PTPRK: variants seen among roughly 807,000 people sequenced by gnomAD.
PTPRK encodes the protein receptor-type tyrosine-protein phosphatase kappa.
Under a neutral mutation model 178.0 loss-of-function variants are expected in PTPRK, and 75 were observed. That is an observed-to-expected ratio of 0.42 (90% CI 0.35 to 0.51). PTPRK has a LOEUF of 0.51. Ranked by LOEUF, PTPRK falls within the 20% of genes least tolerant of loss-of-function variation. PTPRK has a pLI of 0.02. For missense variants in PTPRK, 1,441 were observed against 1,797.8 expected (o/e 0.80, Z 3.59); for synonymous variants, 637 against 620.6 (o/e 1.03, Z -0.39).
chr6:128,476,092 G>C (rs935919112), intron 1 of PTPRK, among the ~76,000 whole-genome samples: 1 of 151,940 alleles, frequency 6.6e-6, no homozygotes, highest in Admixed American at 6.6e-5. Context: ...CTCCAAAGAG[G>C]ACATTCACAG....
In PTPRK at chr6:128,279,109, T is replaced by C. The variant is rs564857172; in HGVS notation, c.496-36507A>G. ...CTGAGATACAGCCTAAGCACTTATG[T>C]AGAGGCTCAGACTGTGAGCCATTAG... On this transcript the variant is annotated intron_variant, in intron 3 of 29. Transcript: ENST00000368226. Among the ~76,000 whole-genome samples the C allele has an allele frequency of 1.3e-4, 19 of 151,884 alleles. 1 individual carries two copies. In the South Asian group the frequency reaches 1.5e-3, roughly 12 times the overall value.
chr6:127,995,034 G>A (rs924512402), intron 18 of PTPRK, among the ~76,000 whole-genome samples: 3 of 151,858 alleles, frequency 2.0e-5, no homozygotes, highest in Non-Finnish European at 2.9e-5. Context: ...AGCTAAAAAT[G>A]GTCCTGTTTT....
At chr6:128,010,243 A>G (rs1358406616) in intron 13 of PTPRK, among the ~76,000 whole-genome samples, 1 of 151,292 alleles carries the variant, frequency 6.6e-6, no homozygotes, top group African/African-American at 2.4e-5. Context: ...ACTGCTAAAA[A>G]TTGGTGTAAC....
At chr6:128,380,449 A>G (rs1837722030) in intron 2 of PTPRK, among the ~76,000 whole-genome samples, 1 of 151,852 alleles carries the variant, frequency 6.6e-6, no homozygotes, top group Non-Finnish European at 1.5e-5. Context: ...GTTGTACTCT[A>G]TAGAATTCTG....
intron 2 of PTPRK, among the ~76,000 whole-genome samples, chr6:128,347,781 A>T (rs1832610526): frequency 1.3e-5 from 2 of 152,148 alleles, no homozygotes; most frequent in Non-Finnish European, 2.9e-5. Context: ...TCAGGAAATA[A>T]ACTTTTTAAG....
intron 7 of PTPRK, among the ~76,000 whole-genome samples, chr6:128,137,015 C>T (rs1195067726): frequency 6.6e-6 from 1 of 152,192 alleles, no homozygotes; most frequent in African/African-American, 2.4e-5. Context: ...GCATAAACCA[C>T]TACCCTAGCC....
chr6:128,429,109 A>G (rs571316880), intron 1 of PTPRK, among the ~76,000 whole-genome samples: 30 of 152,212 alleles, frequency 2.0e-4, no homozygotes, highest in Non-Finnish European at 4.4e-4. Context: ...AAGGCCTTAA[A>G]TCCAAGTGAT....
At chr6:128,508,566 C>A (rs1856702799) in intron 1 of PTPRK, among the ~76,000 whole-genome samples, 1 of 152,120 alleles carries the variant, frequency 6.6e-6, no homozygotes, top group Non-Finnish European at 1.5e-5. Context: ...GGAGGAAATA[C>A]AAATACAGTA....
chr6:128,038,273 ACTG>A, intron 13 of PTPRK, among the ~76,000 whole-genome samples: 1 of 152,126 alleles, frequency 6.6e-6, no homozygotes, highest in East Asian at 1.9e-4. Context: ...CATTTGTCTT[ACTG>A]TCATTCTTCA....
chr6:128,463,596 T>C (rs541450401), intron 1 of PTPRK, among the ~76,000 whole-genome samples: 1 of 152,212 alleles, frequency 6.6e-6, no homozygotes, highest in South Asian at 2.1e-4. Flanking sequence ...TAAAACAAGT[T>C]TATACTTTAA....
Position 128,089,469 on chromosome 6 carries a change from G to A in PTPRK, c.1465+221C>T, listed in dbSNP as rs1786543954. Among the ~76,000 whole-genome samples the A allele has an allele frequency of 2.0e-5, 3 of 152,180 alleles. No homozygotes were observed. In the South Asian group the frequency reaches 6.2e-4, roughly 31 times the overall value. On this transcript the variant is annotated intron_variant, in intron 8 of 29. Transcript: ENST00000368226. ...TGTAGTTGCCACTTCTGTGTAAGAA[G>A]AGAGGACAACAGAAGCACATTTCAT...
At chr6:128,397,284 G>A (rs1840440002) in intron 2 of PTPRK, among the ~76,000 whole-genome samples, 1 of 151,036 alleles carries the variant, frequency 6.6e-6, no homozygotes, top group Non-Finnish European at 1.5e-5. Flanking sequence ...TGTTTATTCT[G>A]TTTTTTCTTT....
At chr6:128,316,196 T>C (rs1013214465) in intron 3 of PTPRK, among the ~76,000 whole-genome samples, 13 of 152,212 alleles carry the variant, frequency 8.5e-5, no homozygotes, top group African/African-American at 2.7e-4. Context: ...GAAATGTATT[T>C]TTTCAGATTC....
intron 13 of PTPRK, among the ~76,000 whole-genome samples, chr6:128,028,901 C>T (rs974126678): frequency 1.3e-5 from 2 of 152,082 alleles, no homozygotes; most frequent in Admixed American, 1.3e-4. Context: ...ATTCTACTCC[C>T]CAATTCTGTT....
At chr6:128,238,200 AAAG>A (rs759001958) in intron 5 of PTPRK, 39 of 394,708 alleles carry the variant, frequency 9.9e-5, no homozygotes, top group Middle Eastern at 6.6e-4. Context: ...AAAAAAAAAA[AAAG>A]AAAAGAAAAA....
intron 1 of PTPRK, among the ~76,000 whole-genome samples, chr6:128,504,435 G>C (rs972795743): frequency 6.6e-6 from 1 of 152,212 alleles, no homozygotes; most frequent in Admixed American, 6.5e-5. Context: ...ACTGTGGAGA[G>C]AGTCCAGGAA....
At chr6:128,461,865 CTTGT>C (rs1849090499) in intron 1 of PTPRK, among the ~76,000 whole-genome samples, 1 of 152,184 alleles carries the variant, frequency 6.6e-6, no homozygotes, top group Non-Finnish European at 1.5e-5. Context: ...TCTATTTTGA[CTTGT>C]TTATTTTAGC....
rs137952610 is a variant in PTPRK at position 128,263,912 on chromosome 6, T to C, written c.496-21310A>G. Among the ~76,000 whole-genome samples, 525 of 152,240 alleles carry C rather than the reference T, an allele frequency of 3.4e-3. 3 individuals carry two copies. Among genetic ancestry groups the C allele is most frequent in the African/African-American group, 0.012 (495 of 41,536 alleles). ...GCATCTAAGTGAGAGACCACCACCG[T>C]TGGAAAGGCCAGAGTAGTGAACCAC... is the stretch of plus-strand genomic sequence containing the variant. On this transcript the variant is annotated intron_variant, in intron 3 of 29. Transcript: ENST00000368226.
chr6:127,983,791 T>G (rs2114637720), intron 22 of PTPRK, among the ~76,000 whole-genome samples: 1 of 152,326 alleles, frequency 6.6e-6, no homozygotes, highest in Admixed American at 6.5e-5. Context: ...AATGTGAGAA[T>G]GTTGGCTCAC....
Sources: allele counts gnomAD v4.1 joint callset (sites outside exome capture counted in the v4.1 genomes callset), GRCh38; gene constraint gnomAD v4.1.1; transcripts MANE v1.5; gene names NCBI Gene and HGNC (gene_info 2026-07-23, HGNC 2026-07-21).